DNM3: variants seen among roughly 807,000 people sequenced by gnomAD.
The protein encoded by DNM3 is dynamin-3.
A neutral mutation model predicts 101.6 loss-of-function variants in DNM3; 47 were observed. The ratio of observed to expected loss-of-function variants is 0.46; its 90% CI spans 0.37 to 0.59. The LOEUF (loss-of-function observed/expected upper bound fraction) is 0.59. DNM3 is among the 20% of genes least tolerant of loss of function. DNM3 has a pLI of 0.00. For synonymous variants in DNM3, 385 were observed against 387.9 expected (o/e 0.99, Z 0.09); for missense variants, 849 against 1,085.7 (o/e 0.78, Z 3.06).
intron 4 of DNM3, among the ~76,000 whole-genome samples, chr1:172,003,233 T>C (rs1334682660): frequency 6.6e-6 from 1 of 152,084 alleles, no homozygotes; most frequent in Non-Finnish European, 1.5e-5. Context: ...TGTGCTCTTA[T>C]GTCTTTCTTA....
intron 17 of DNM3, among the ~76,000 whole-genome samples, chr1:172,325,951 G>A (rs984672714): frequency 6.6e-6 from 1 of 152,132 alleles, no homozygotes; most frequent in East Asian, 1.9e-4. Context: ...ACACACATGT[G>A]CACATATACA....
At chr1:172,414,580 GT>G (rs1466458346), downstream of DNM3, among the ~76,000 whole-genome samples, 1 of 152,104 alleles carries the variant, frequency 6.6e-6, no homozygotes, top group African/African-American at 2.4e-5. Context: ...AACTGCTTCA[GT>G]GGCTTTAAGC....
intron 18 of DNM3, among the ~76,000 whole-genome samples, chr1:172,384,932 T>TAA (rs2069106513): frequency 6.6e-6 from 1 of 152,214 alleles, no homozygotes; most frequent in Admixed American, 6.5e-5. Context: ...TACCTGCAAG[T>TAA]ACATTTAGAA....
At chr1:171,851,416 T>C (rs1193692814) in intron 1 of DNM3, among the ~76,000 whole-genome samples, 1 of 151,860 alleles carries the variant, frequency 6.6e-6, no homozygotes, top group African/African-American at 2.4e-5. Context: ...ATTAGAACGG[T>C]TGTTGTTTTT....
intron 1 of DNM3, among the ~76,000 whole-genome samples, chr1:171,851,738 AT>A (rs1275069382): frequency 5.9e-5 from 9 of 152,192 alleles, no homozygotes; most frequent in Admixed American, 1.3e-4. Flanking sequence ...TAAACTGTAG[AT>A]TGTGACCTAA....
intron 10 of DNM3, among the ~76,000 whole-genome samples, chr1:172,050,863 T>C (rs888924433): frequency 2.4e-4 from 36 of 152,170 alleles, no homozygotes; most frequent in African/African-American, 8.2e-4. Context: ...ATATAAAGTG[T>C]TTATGGTATG....
At chr1:172,093,805 A>T in intron 13 of DNM3, 1 of 1,391,882 alleles carries the variant, frequency 7.2e-7, no homozygotes, top group Non-Finnish European at 9.9e-7. Flanking sequence ...TAACTGATTA[A>T]CTCAACTAGC....
At chr1:171,925,806 C>T (rs2040523809) in intron 2 of DNM3, among the ~76,000 whole-genome samples, 1 of 152,006 alleles carries the variant, frequency 6.6e-6, no homozygotes, top group Non-Finnish European at 1.5e-5. Context: ...GAAGTTTTTC[C>T]TAGGTTTTCT....
At chr1:172,374,765 T>C (rs1333347383) in intron 17 of DNM3, among the ~76,000 whole-genome samples, 1 of 152,126 alleles carries the variant, frequency 6.6e-6, no homozygotes, top group African/African-American at 2.4e-5. Context: ...TTAACTTTGA[T>C]ATAGTGCATC....
At position 172,068,861 on chromosome 1, in the gene DNM3, G is replaced by A. The variant is rs749227741; in HGVS notation, c.1378G>A (p.Val460Ile). Reference sequence around the variant, plus strand: ...ACTCTGCGAGGAAACGGAAAGGATTGTTGCTAACCACATTCGTGAGCGAGA... The same window carrying A: ...ACTCTGCGAGGAAACGGAAAGGATTATTGCTAACCACATTCGTGAGCGAGA... ...PRLCEETERI[V>I]ANHIREREGK... Residue 460 changes from valine (V) to isoleucine (I), a missense_variant, in exon 11 of 21, where the codon GTT becomes ATT. Transcript: ENST00000627582. The A allele has an allele frequency of 1.9e-6, 3 of 1,575,160 alleles. No individual in the cohort carries two copies. The highest frequency in any genetic ancestry group is 1.7e-6 in the Non-Finnish European group (2 of 1,159,558).
In DNM3 at chr1:172,411,296, G is replaced by A; in HGVS notation, c.*3455G>A. On this transcript the variant is annotated 3_prime_UTR_variant, in exon 21 of 21. Coordinates refer to ENST00000627582, the MANE Select transcript of DNM3 (RefSeq NM_015569.5). ...CTCCAGATTGTAGTCATTTTGAGAG[G>A]TACAAAGCTCATAATTACCATGACA... is the stretch of plus-strand genomic sequence containing the variant. 5.1e-6 allele frequency: 5 copies of A among 985,062 alleles called. No individual in the cohort carries two copies. The highest frequency in any genetic ancestry group is 4.8e-6 in the Non-Finnish European group (4 of 829,722). 61.0% of individuals were successfully genotyped at this position (985,062 alleles called of 1,614,324 possible).
At chr1:172,027,848 G>T (rs967131135) in intron 4 of DNM3, among the ~76,000 whole-genome samples, 2 of 152,062 alleles carry the variant, frequency 1.3e-5, no homozygotes, top group African/African-American at 4.8e-5. Flanking sequence ...AATGGTAAAG[G>T]GATCAATGCA....
At chr1:171,924,374 A>C (rs1339564431) in intron 2 of DNM3, among the ~76,000 whole-genome samples, 2 of 152,142 alleles carry the variant, frequency 1.3e-5, no homozygotes, top group Non-Finnish European at 2.9e-5. Flanking sequence ...TAGCTGTATC[A>C]GTCTATTTTC....
intron 16 of DNM3, among the ~76,000 whole-genome samples, chr1:172,314,696 G>A (rs994488107): frequency 9.2e-5 from 14 of 152,340 alleles, no homozygotes; most frequent in East Asian, 1.9e-4. Context: ...AGGGGCGCCC[G>A]CCATTGCCCA....
At chr1:171,960,655 C>T (rs1390376917) in intron 2 of DNM3, among the ~76,000 whole-genome samples, 4 of 152,008 alleles carry the variant, frequency 2.6e-5, no homozygotes, top group African/African-American at 4.8e-5. Flanking sequence ...GAAACCTGAG[C>T]AGATACATTA....
chr1:172,324,232 C>T (rs866234925), intron 17 of DNM3, among the ~76,000 whole-genome samples: 5 of 152,096 alleles, frequency 3.3e-5, no homozygotes, highest in African/African-American at 1.2e-4. Flanking sequence ...CCACTTAAAA[C>T]GGGCCTCATT....
chr1:172,208,681 G>A (rs2060407763), intron 14 of DNM3, among the ~76,000 whole-genome samples: 1 of 151,992 alleles, frequency 6.6e-6, no homozygotes, highest in Non-Finnish European at 1.5e-5. Flanking sequence ...GCTCCAATAG[G>A]GTACAGGAAG....
Position 172,089,312 on chromosome 1 carries a change from A to G in DNM3, c.1494-3512A>G, listed in dbSNP as rs181845274. 3.4e-3 allele frequency among the ~76,000 whole-genome samples: 513 copies of G among 152,320 alleles called. 2 individuals are homozygous for G. Among genetic ancestry groups the G allele is most frequent in the South Asian group, 7.9e-3 (38 of 4,822 alleles). ...TTATATGCTACGGAGTTCGTGCCCTATAGTTTTTGATTTATGTTAAACTAA... is the reference window on the plus strand; with the variant it reads ...TTATATGCTACGGAGTTCGTGCCCTGTAGTTTTTGATTTATGTTAAACTAA... On this transcript the variant is annotated intron_variant, in intron 12 of 20. Transcript: ENST00000627582.
At chr1:172,235,901 C>G (rs1367604366) in intron 14 of DNM3, among the ~76,000 whole-genome samples, 2 of 151,830 alleles carry the variant, frequency 1.3e-5, no homozygotes, top group South Asian at 4.2e-4. Context: ...TGCTACATGA[C>G]GAGTTAATGG....
Sources: allele counts gnomAD v4.1 joint callset (sites outside exome capture counted in the v4.1 genomes callset), GRCh38; gene constraint gnomAD v4.1.1; transcripts MANE v1.5; gene names NCBI Gene and HGNC (gene_info 2026-07-23, HGNC 2026-07-21).